CRB1: variants seen among roughly 807,000 people sequenced by gnomAD.
CRB1 encodes protein crumbs homolog 1.
CRB1 carries 83 observed loss-of-function variants against 120.0 expected under a neutral mutation model. The ratio of observed to expected loss-of-function variants is 0.69; its 90% CI spans 0.58 to 0.83. CRB1 has a LOEUF of 0.83. CRB1 is among the 40% of genes least tolerant of loss of function. The pLI is 0.00. For synonymous variants in CRB1, 625 were observed against 612.5 expected (o/e 1.02, Z -0.30); for missense variants, 1,699 against 1,687.6 (o/e 1.01, Z -0.12).
At chr1:197,397,918 C>A (rs1469220923) in intron 5 of CRB1, among the ~76,000 whole-genome samples, 1 of 152,040 alleles carries the variant, frequency 6.6e-6, no homozygotes, top group East Asian at 1.9e-4. Flanking sequence ...GTACACCTAA[C>A]ATGATGAATT....
intron 5 of CRB1, among the ~76,000 whole-genome samples, chr1:197,417,001 C>G (rs979186671): frequency 3.9e-5 from 6 of 152,346 alleles, no homozygotes; most frequent in Admixed American, 3.3e-4. Flanking sequence ...GCCACCGTGC[C>G]TGGCCAAAAG....
In CRB1 at chr1:197,327,116, A is replaced by AC. The variant is rs1558055657; in HGVS notation, c.71-1306_71-1305insC. ...CAAAAAAAAAAAAAAAAAAAAAAAA[A>AC]AAAAAAAAAAAAAAAACAGAAACCA... On this transcript the variant is annotated intron_variant, in intron 1 of 11. Transcript: ENST00000367400. Among the ~76,000 whole-genome samples the AC allele has an allele frequency of 2.2e-5, 3 of 136,984 alleles. No homozygotes were observed. The East Asian group carries it at 7.4e-4, about 34-fold the overall frequency. The allele number at this position is 136,984 out of a possible 152,430, so 89.9% of individuals were successfully genotyped here.
intron 1 of CRB1, among the ~76,000 whole-genome samples, chr1:197,294,559 T>G (rs974183532): frequency 6.6e-6 from 1 of 152,102 alleles, no homozygotes; most frequent in Non-Finnish European, 1.5e-5. Flanking sequence ...TTACTGAGTA[T>G]ATACCCAATG....
the CRB1 span, among the ~76,000 whole-genome samples, chr1:197,256,378 T>C: frequency 6.6e-6 from 1 of 151,982 alleles, no homozygotes; most frequent in Non-Finnish European, 1.5e-5. Flanking sequence ...ATAACTCCTC[T>C]TACCCACTAA....
intron 1 of CRB1, among the ~76,000 whole-genome samples, chr1:197,278,592 G>C (rs924176967): frequency 1.3e-5 from 2 of 151,824 alleles, no homozygotes; most frequent in Admixed American, 1.3e-4. Context: ...ACCTCGGTTT[G>C]GCTCACATTT....
At chr1:197,385,541 G>A (rs1490242351) in intron 5 of CRB1, among the ~76,000 whole-genome samples, 2 of 152,110 alleles carry the variant, frequency 1.3e-5, no homozygotes, top group South Asian at 2.1e-4. Flanking sequence ...AAGTTCAATA[G>A]TACAAGTGAT....
At chr1:197,301,610 C>A (rs1240575990) in intron 1 of CRB1, among the ~76,000 whole-genome samples, 2 of 152,100 alleles carry the variant, frequency 1.3e-5, no homozygotes, top group Non-Finnish European at 2.9e-5. Flanking sequence ...TTTGTAGGTG[C>A]CTCATTAATG....
upstream of CRB1, among the ~76,000 whole-genome samples, chr1:197,267,712 T>A (rs1193548266): frequency 2.0e-5 from 3 of 152,228 alleles, no homozygotes; most frequent in Non-Finnish European, 4.4e-5. Context: ...CAAACATGTT[T>A]ACATTCATCA....
chr1:197,261,328 T>C, the CRB1 span, among the ~76,000 whole-genome samples: 1 of 152,246 alleles, frequency 6.6e-6, no homozygotes, highest in African/African-American at 2.4e-5. Context: ...TATTAATCAT[T>C]GTTTGCATAA....
the CRB1 span, among the ~76,000 whole-genome samples, chr1:197,246,701 A>G: frequency 2.6e-5 from 4 of 152,124 alleles, no homozygotes; most frequent in African/African-American, 9.6e-5. Context: ...TTCATGACAC[A>G]TGAGAATTAC....
chr1:197,419,272 A>C (rs532500341), intron 5 of CRB1, among the ~76,000 whole-genome samples: 4 of 152,340 alleles, frequency 2.6e-5, no homozygotes, highest in Admixed American at 6.5e-5. Context: ...GCATAGAGTT[A>C]AATGGAAAAA....
At chr1:197,207,039 G>T in the CRB1 span, among the ~76,000 whole-genome samples, 25,506 of 152,096 alleles carry the variant, frequency 0.17, 2,369 homozygotes, top group Middle Eastern at 0.25. Flanking sequence ...TGTTTTGTCT[G>T]ATATATGAAT....
intron 5 of CRB1, among the ~76,000 whole-genome samples, chr1:197,364,390 T>C (rs964335071): frequency 1.3e-5 from 2 of 152,258 alleles, no homozygotes; most frequent in South Asian, 2.1e-4. Flanking sequence ...CTATTTGAGA[T>C]AGTCTCACCT....
chr1:197,365,429 T>G (rs1255454656), intron 5 of CRB1, among the ~76,000 whole-genome samples: 1 of 152,062 alleles, frequency 6.6e-6, no homozygotes, highest in Non-Finnish European at 1.5e-5. Flanking sequence ...AGGAAAACAC[T>G]TCACATAACA....
intron 1 of CRB1, among the ~76,000 whole-genome samples, chr1:197,308,726 A>G (rs1371239722): frequency 2.0e-5 from 3 of 151,868 alleles, no homozygotes; most frequent in Non-Finnish European, 4.4e-5. Flanking sequence ...GGTCCTTAAT[A>G]AATATGAACT....
At chr1:197,363,640 CT>C (rs1660901932) in intron 5 of CRB1, among the ~76,000 whole-genome samples, 1 of 152,116 alleles carries the variant, frequency 6.6e-6, no homozygotes, top group Non-Finnish European at 1.5e-5. Flanking sequence ...GGTTTGCAGG[CT>C]TTTGCTCCCT....
chr1:197,223,379 C>T, the CRB1 span: 1 of 497,800 alleles, frequency 2.0e-6, no homozygotes, highest in Non-Finnish European at 3.6e-6. Flanking sequence ...CATTTCTTCT[C>T]TATTTTGTGT....
At position 197,275,932 on chromosome 1, in the gene CRB1, G is replaced by A. The variant is rs1269978971; in HGVS notation, c.70+7450G>A. On this transcript the variant is annotated intron_variant, in intron 1 of 11. Transcript: ENST00000367400. ...CATATTTTTGACTTAACAATAAACA[G>A]TAAAATTTCTGAAAGGAAGAAGGTA... Among the ~76,000 whole-genome samples the A allele has an allele frequency of 2.0e-5, 3 of 151,300 alleles. No individual in the cohort carries two copies. In the Admixed American group the frequency reaches 2.0e-4, roughly 10 times the overall value.
intron 6 of CRB1, among the ~76,000 whole-genome samples, chr1:197,424,405 C>T (rs373138923): frequency 3.3e-5 from 5 of 152,246 alleles, no homozygotes; most frequent in East Asian, 1.9e-4. Flanking sequence ...AAAAGTATCT[C>T]GAGCCATCTA....
Sources: allele counts gnomAD v4.1 joint callset (sites outside exome capture counted in the v4.1 genomes callset), GRCh38; gene constraint gnomAD v4.1.1; transcripts MANE v1.5; gene names NCBI Gene and HGNC (gene_info 2026-07-23, HGNC 2026-07-21).